Variants in PCDHGB2 observed in about 807,000 individuals in gnomAD.
The protein encoded by PCDHGB2 is protocadherin gamma subfamily B, 2, also known as protocadherin gamma-B2.
A neutral mutation model predicts 59.3 loss-of-function variants in PCDHGB2; 55 were observed. The ratio of observed to expected loss-of-function variants is 0.93; its 90% CI spans 0.75 to 1.16. The LOEUF (loss-of-function observed/expected upper bound fraction) is 1.16. Among genes scored for constraint, PCDHGB2 ranks in the 50% most tolerant of loss-of-function variants. PCDHGB2 has a pLI of 0.00. For synonymous variants in PCDHGB2, 516 were observed against 512.0 expected, an observed-to-expected ratio of 1.01 and a Z score of -0.11; for missense variants, 1,228 against 1,198.5, an observed-to-expected ratio of 1.02 and a Z score of -0.36.
intron 1 of PCDHGB2, chr5:141,408,394 C>T: frequency 6.2e-7 from 1 of 1,614,034 alleles, no homozygotes; most frequent in Non-Finnish European, 8.5e-7. Flanking sequence ...TGTCGGCTCG[C>T]AAGCTGCGAG....
chr5:141,423,765 G>A (rs775053869), intron 1 of PCDHGB2: 11 of 233,406 alleles, frequency 4.7e-5, no homozygotes, highest in Admixed American at 1.2e-4. Context: ...GGGGGGTGGG[G>A]CGGCATATAT....
chr5:141,389,660 G>A (rs1302432237), intron 1 of PCDHGB2: 4 of 1,612,338 alleles, frequency 2.5e-6, no homozygotes, highest in African/African-American at 2.7e-5. Flanking sequence ...TAGTGGCGGT[G>A]GACGCAGACT....
intron 1 of PCDHGB2, among the ~76,000 whole-genome samples, chr5:141,439,208 C>A: frequency 6.6e-6 from 1 of 151,294 alleles, no homozygotes. Flanking sequence ...AAAAAAAATC[C>A]ATATGTGAAA....
Position 141,440,827 on chromosome 5 carries a change from A to G in PCDHGB2, c.2422-53980A>G, listed in dbSNP as rs570022849. 7 of 152,196 alleles carry G rather than the reference A, an allele frequency of 4.6e-5. 1 individual carries two copies. The highest frequency in any genetic ancestry group is 1.4e-4 in the African/African-American group (6 of 41,526). 9.4% of individuals were successfully genotyped at this position (152,196 alleles called of 1,614,324 possible). A position where few individuals can be genotyped will look rare whatever the true frequency, so the allele number is the denominator to read the frequency against. ...GCAGCATCACTCAACTCCTGATCCT[A>G]TTGGTTGAAGCCAATGACAACCCTG... On this transcript the variant is annotated intron_variant, in intron 1 of 3. Transcript: ENST00000522605.
At chr5:141,384,052 A>G in intron 1 of PCDHGB2, 1 of 1,611,012 alleles carries the variant, frequency 6.2e-7, no homozygotes, top group Non-Finnish European at 8.5e-7. Context: ...GGTGACCTGC[A>G]CCATTCCAGA....
intron 1 of PCDHGB2, chr5:141,403,947 A>C (rs1451597441): frequency 6.2e-7 from 1 of 1,613,886 alleles, no homozygotes; most frequent in Admixed American, 1.7e-5. Flanking sequence ...GGGTGGACAA[A>C]AGTGCTCATT....
rs1454395834 is a variant in PCDHGB2, at chr5:141,413,223, G to A, written c.2421+50667G>A. The stretch of plus-strand genomic sequence containing the variant: ...CAAAGGAATCAAAGGATTGCAGCGG[G>A]CTGGTCCTGCTCTGCCTTTTCTTCG... On this transcript the variant is annotated intron_variant, in intron 1 of 3. Transcript: ENST00000522605. 4 of 1,613,694 alleles carry A rather than the reference G, an allele frequency of 2.5e-6. No individual in the cohort carries two copies. In the African/African-American group the frequency reaches 4.0e-5, roughly 16 times the overall value.
intron 1 of PCDHGB2, among the ~76,000 whole-genome samples, chr5:141,447,123 T>G (rs1004463863): frequency 1.3e-5 from 2 of 152,160 alleles, no homozygotes; most frequent in Non-Finnish European, 2.9e-5. Flanking sequence ...CCATGGATTT[T>G]TTTGTTTGTT....
At chr5:141,404,126 T>G in intron 1 of PCDHGB2, 1 of 1,613,316 alleles carries the variant, frequency 6.2e-7, no homozygotes, top group Non-Finnish European at 8.5e-7. Context: ...GAATCTATCT[T>G]TTACATTAGA....
chr5:141,454,796 A>ATTTTTTTTTTTTTT lies in PCDHGB2; in HGVS notation c.2422-39995_2422-39982dup, dbSNP rs61612330. ...AAGGAAATAATCCTCCATGGTTCTA[A>ATTTTTTTTTTTTTT]TTTTTTTTTTTTTTTTTTTTTTTTT... On this transcript the variant is annotated intron_variant, in intron 1 of 3. Coordinates refer to ENST00000522605, the MANE Select transcript of PCDHGB2 (RefSeq NM_018923.3). 1.1e-3 allele frequency among the ~76,000 whole-genome samples: 87 copies of ATTTTTTTTTTTTTT among 77,456 alleles called. 11 individuals carry two copies. The highest frequency in any genetic ancestry group is 1.4e-3 in the Admixed American group (8 of 5,554). The allele number at this position is 77,456 out of a possible 152,430, so 50.8% of individuals were successfully genotyped here.
intron 1 of PCDHGB2, chr5:141,423,830 G>A (rs527344048): frequency 5.5e-6 from 7 of 1,273,204 alleles, no homozygotes; most frequent in African/African-American, 3.1e-5. Flanking sequence ...CCTTTCATGA[G>A]ATTACGATAA....
chr5:141,419,398 G>A (rs2096375486), intron 1 of PCDHGB2: 7 of 1,613,572 alleles, frequency 4.3e-6, no homozygotes, highest in Non-Finnish European at 5.1e-6. Flanking sequence ...AGAGCGGGGT[G>A]GTGTTCGCGC....
intron 1 of PCDHGB2, chr5:141,372,605 T>A: frequency 6.2e-7 from 1 of 1,614,050 alleles, no homozygotes; most frequent in Non-Finnish European, 8.5e-7. Context: ...AGACTGTACC[T>A]GGAGTTCTCC....
chr5:141,418,314 C>T, intron 1 of PCDHGB2: 1 of 1,613,988 alleles, frequency 6.2e-7, no homozygotes. Context: ...GGGATGGGAA[C>T]AATTCTTGAG....
chr5:141,403,571 G>A (rs778030830), intron 1 of PCDHGB2: 1 of 1,613,904 alleles, frequency 6.2e-7, no homozygotes, highest in Non-Finnish European at 8.5e-7. Context: ...GGAGGCAACT[G>A]CCCACCACCT....
chr5:141,395,447 G>A, intron 1 of PCDHGB2: 1 of 645,042 alleles, frequency 1.6e-6, no homozygotes, highest in Admixed American at 3.5e-5. Context: ...GGAAAAGATT[G>A]TTCAACCATT....
rs369940443 is a variant in PCDHGB2, at chr5:141,477,841, C to G, written c.2422-16966C>G. 6.2e-7 allele frequency: 1 copy of G among 1,613,308 alleles called. No individual in the cohort carries two copies. The highest frequency in any genetic ancestry group is 1.3e-5 in the African/African-American group (1 of 74,700). On this transcript the variant is annotated intron_variant, in intron 1 of 3. Coordinates refer to ENST00000522605, the MANE Select transcript of PCDHGB2 (RefSeq NM_018923.3). The surrounding 1 kb of genome is among the most constrained non-coding windows in gnomAD (Gnocchi z 4.9). ...TCCTATATCCTCGGCCAGGTGGGAG[C>G]TCGGTGGAGATGCTGCCTCGAGGTA...
chr5:141,404,455 C>T, intron 1 of PCDHGB2: 1 of 1,611,994 alleles, frequency 6.2e-7, no homozygotes, highest in Non-Finnish European at 8.5e-7. Context: ...GGTCTCCTCT[C>T]TCCACCTATG....
chr5:141,388,510 A>T, intron 1 of PCDHGB2: 5 of 1,613,846 alleles, frequency 3.1e-6, no homozygotes, highest in Non-Finnish European at 4.2e-6. Context: ...AAATCCTACC[A>T]CTTGACTTTG....
Sources: allele counts gnomAD v4.1 joint callset (sites outside exome capture counted in the v4.1 genomes callset), GRCh38; gene constraint gnomAD v4.1.1; non-coding constraint Gnocchi (gnomAD v3.1); transcripts MANE v1.5; gene names NCBI Gene and HGNC (gene_info 2026-07-23, HGNC 2026-07-21).